Variants in CSMD3 observed in about 807,000 individuals in gnomAD.
The protein encoded by CSMD3 is CUB and sushi domain-containing protein 3.
CSMD3 carries 177 observed loss-of-function variants against 435.2 expected under a neutral mutation model. That is an observed-to-expected ratio of 0.41 (90% confidence interval 0.36 to 0.46). The LOEUF (loss-of-function observed/expected upper bound fraction) is 0.46. Ranked by LOEUF, CSMD3 falls within the 20% of genes least tolerant of loss-of-function variation. The pLI is 0.34. For missense variants in CSMD3, 4,265 were observed against 4,504.6 expected, an observed-to-expected ratio of 0.95 and a Z score of 1.52; for synonymous variants, 1,656 against 1,520.5, an observed-to-expected ratio of 1.09 and a Z score of -2.07.
At chr8:113,334,274 T>C (rs181363044) in intron 1 of CSMD3, among the ~76,000 whole-genome samples, 136 of 114,868 alleles carry the variant, frequency 1.2e-3, no homozygotes, top group African/African-American at 4.5e-3. Context: ...AGGGATAGTT[T>C]AAGTTTTTTT....
chr8:113,054,767 C>T (rs967371999), intron 5 of CSMD3, among the ~76,000 whole-genome samples: 1 of 152,092 alleles, frequency 6.6e-6, no homozygotes, highest in African/African-American at 2.4e-5. Context: ...TCTTCATTTC[C>T]TTGTCTAACA....
intron 1 of CSMD3, among the ~76,000 whole-genome samples, chr8:113,334,928 T>C (rs1444078995): frequency 6.6e-6 from 1 of 152,212 alleles, no homozygotes; most frequent in Non-Finnish European, 1.5e-5. Flanking sequence ...TTAGTCCTAA[T>C]ATTGGCCATA....
At chr8:112,716,982 G>A (rs2076745695) in intron 13 of CSMD3, among the ~76,000 whole-genome samples, 1 of 152,064 alleles carries the variant, frequency 6.6e-6, no homozygotes, top group Non-Finnish European at 1.5e-5. Flanking sequence ...GAAAACCTAG[G>A]CAATACCATT....
At chr8:112,561,435 G>T (rs1828614811) in intron 24 of CSMD3, among the ~76,000 whole-genome samples, 1 of 151,326 alleles carries the variant, frequency 6.6e-6, no homozygotes, top group Non-Finnish European at 1.5e-5. Flanking sequence ...TTTCTCCAAA[G>T]ATATCTAATA....
intron 66 of CSMD3, among the ~76,000 whole-genome samples, chr8:112,239,550 G>T (rs1833319): frequency 0.43 from 64,608 of 151,742 alleles, 15,747 homozygotes; most frequent in African/African-American, 0.68. Flanking sequence ...GAACTTACCA[G>T]TAGGGCCACA....
intron 5 of CSMD3, among the ~76,000 whole-genome samples, chr8:113,068,942 T>A (rs1044419399): frequency 6.6e-6 from 1 of 152,052 alleles, no homozygotes; most frequent in African/African-American, 2.4e-5. Context: ...AGCTATGATG[T>A]GAGTCTCACT....
chr8:112,333,231 C>T (rs973188738), intron 45 of CSMD3, among the ~76,000 whole-genome samples: 1 of 152,142 alleles, frequency 6.6e-6, no homozygotes, highest in African/African-American at 2.4e-5. Context: ...GCAATGGCGC[C>T]ATCTCGGCTC....
chr8:113,123,903 T>C (rs1041646376), intron 4 of CSMD3, among the ~76,000 whole-genome samples: 4 of 151,962 alleles, frequency 2.6e-5, no homozygotes, highest in Non-Finnish European at 4.4e-5. Context: ...GTTAAGGACA[T>C]CTTACTCTCA....
At chr8:112,923,521 A>G (rs1205245500) in intron 9 of CSMD3, among the ~76,000 whole-genome samples, 1 of 152,050 alleles carries the variant, frequency 6.6e-6, no homozygotes, top group Non-Finnish European at 1.5e-5. Flanking sequence ...CTGGAAAACC[A>G]TTTCTTCAGA....
At position 113,228,306 on chromosome 8, in the gene CSMD3, T is replaced by C. The variant is rs776569732; in HGVS notation, c.514+50286A>G. ...AGGAGTAAGGTAAAGATAATAAAAG[T>C]AACAAAAGGAAACCTGAATTATGAT... On this transcript the variant is annotated intron_variant, in intron 3 of 70. Coordinates refer to ENST00000297405, the MANE Select transcript of CSMD3 (RefSeq NM_198123.2). 3.3e-5 allele frequency among the ~76,000 whole-genome samples: 5 copies of C among 151,676 alleles called. No homozygotes were observed. In the South Asian group the frequency reaches 1.0e-3, roughly 31 times the overall value.
chr8:113,366,667 G>GT (rs1182097769), intron 1 of CSMD3, among the ~76,000 whole-genome samples: 4 of 152,018 alleles, frequency 2.6e-5, no homozygotes, highest in Non-Finnish European at 4.4e-5. Context: ...GAGAAAACTA[G>GT]AAGTTTGAGC....
At chr8:113,057,063 T>C (rs2088373631) in intron 5 of CSMD3, among the ~76,000 whole-genome samples, 1 of 152,162 alleles carries the variant, frequency 6.6e-6, no homozygotes, top group South Asian at 2.1e-4. Flanking sequence ...GGAATGCCTT[T>C]CCTCAAAATG....
At chr8:112,779,076 G>GT (rs1385111824) in intron 13 of CSMD3, among the ~76,000 whole-genome samples, 2 of 151,586 alleles carry the variant, frequency 1.3e-5, no homozygotes, top group African/African-American at 4.8e-5. Flanking sequence ...TTGGATAGCA[G>GT]TTTTTTATAA....
chr8:112,973,694 T>A (rs368707886), intron 7 of CSMD3, among the ~76,000 whole-genome samples: 2 of 151,856 alleles, frequency 1.3e-5, no homozygotes, highest in East Asian at 3.9e-4. Flanking sequence ...CAGAAAACAC[T>A]AAGCAATAGA....
chr8:112,973,502 C>T (rs1425678558), intron 7 of CSMD3, among the ~76,000 whole-genome samples: 1 of 151,762 alleles, frequency 6.6e-6, no homozygotes, highest in East Asian at 1.9e-4. Flanking sequence ...ATCTTTATTT[C>T]CTCTAGAACA....
chr8:113,059,690 C>T (rs1369193706), intron 5 of CSMD3, among the ~76,000 whole-genome samples: 1 of 152,080 alleles, frequency 6.6e-6, no homozygotes, highest in Non-Finnish European at 1.5e-5. Context: ...GCTTAAGTTT[C>T]AGAACTATGA....
chr8:112,612,716 T>A (rs1403105721), intron 22 of CSMD3, among the ~76,000 whole-genome samples: 3 of 35,632 alleles, frequency 8.4e-5, no homozygotes, highest in Non-Finnish European at 1.8e-4. Context: ...GTTCTTTTTT[T>A]TTTTTTTTTT....
intron 1 of CSMD3, among the ~76,000 whole-genome samples, chr8:113,320,565 A>G (rs879759665): frequency 3.9e-5 from 6 of 152,096 alleles, no homozygotes; most frequent in African/African-American, 7.2e-5. Flanking sequence ...TTCTGTGACC[A>G]ATTATGTTGA....
intron 17 of CSMD3, among the ~76,000 whole-genome samples, chr8:112,665,937 C>T (rs1035307649): frequency 3.9e-5 from 6 of 152,012 alleles, no homozygotes; most frequent in Non-Finnish European, 7.4e-5. Flanking sequence ...ACAGCACCTT[C>T]GCCTCTTGAA....
Sources: gnomAD v4.1 joint callset for allele counts (sites outside exome capture counted in the v4.1 genomes callset) on GRCh38, gnomAD v4.1.1 for gene constraint, MANE v1.5 for transcripts, NCBI Gene and HGNC (gene_info 2026-07-23, HGNC 2026-07-21) for gene names.